CXADR: variants seen among roughly 807,000 people sequenced by gnomAD.
CXADR encodes CXADR cell adhesion molecule.
CXADR carries 20 observed loss-of-function variants against 40.3 expected under a neutral mutation model. The ratio of observed to expected loss-of-function variants is 0.50; its 90% confidence interval spans 0.35 to 0.72. The LOEUF is 0.72. Ranked by LOEUF, CXADR falls within the 30% of genes least tolerant of loss-of-function variation. The probability of loss-of-function intolerance (pLI) is 0.01; values close to 1 mark genes in which losing one functional copy is unlikely to be tolerated. For missense variants in CXADR, 332 were observed against 449.1 expected (o/e 0.74, Z 2.36); for synonymous variants, 150 against 161.3 (o/e 0.93, Z 0.53).
At chr21:17,518,586 C>A in intron 1 of CXADR, 1 of 1,283,602 alleles carries the variant, frequency 7.8e-7, no homozygotes. Context: ...CATCATCCTC[C>A]TCATCAGTGT....
chr21:17,606,606 A>G, the CXADR span, among the ~76,000 whole-genome samples: 1 of 150,146 alleles, frequency 6.7e-6, no homozygotes, highest in Admixed American at 6.6e-5. Context: ...CTAAGCTTAC[A>G]AATTATATAT....
chr21:17,558,004 G>T (rs1425970047), intron 3 of CXADR, among the ~76,000 whole-genome samples: 3 of 152,100 alleles, frequency 2.0e-5, no homozygotes, highest in African/African-American at 7.2e-5. Flanking sequence ...CCAGGATTGG[G>T]GTGAGTTGCA....
At chr21:17,571,849 C>G (rs2061279737), downstream of CXADR, among the ~76,000 whole-genome samples, 1 of 152,136 alleles carries the variant, frequency 6.6e-6, no homozygotes, top group Non-Finnish European at 1.5e-5. Context: ...GGCACAAAAC[C>G]TTTGCATTCT....
At chr21:17,627,592 A>G in the CXADR span, among the ~76,000 whole-genome samples, 2 of 152,340 alleles carry the variant, frequency 1.3e-5, no homozygotes, top group Non-Finnish European at 2.9e-5. Context: ...AGTCAAGACC[A>G]TCGGGAAATA....
At chr21:17,520,313 G>A (rs985291316) in intron 1 of CXADR, among the ~76,000 whole-genome samples, 30 of 152,142 alleles carry the variant, frequency 2.0e-4, no homozygotes, top group African/African-American at 7.2e-4. Flanking sequence ...GGTTTGATAT[G>A]TCTTGGGAGT....
the CXADR span, among the ~76,000 whole-genome samples, chr21:17,608,425 C>T: frequency 1.3e-5 from 2 of 151,738 alleles, no homozygotes; most frequent in South Asian, 2.1e-4. Context: ...ATTTACTAGT[C>T]GTGGATCACA....
At chr21:17,530,705 T>C (rs988870801) in intron 1 of CXADR, among the ~76,000 whole-genome samples, 2 of 152,016 alleles carry the variant, frequency 1.3e-5, no homozygotes, top group African/African-American at 2.4e-5. Flanking sequence ...TCCCAGCTAC[T>C]AGGGAGGCTG....
chr21:17,614,551 T>C, the CXADR span, among the ~76,000 whole-genome samples: 11 of 152,232 alleles, frequency 7.2e-5, no homozygotes, highest in Middle Eastern at 3.4e-3. Context: ...AAGACCAACC[T>C]GGCCAACATC....
chr21:17,575,583 C>T lies in CXADR; in HGVS notation c.1017+9972C>T, dbSNP rs190959516. Among the ~76,000 whole-genome samples the T allele has an allele frequency of 5.3e-3, 798 of 151,078 alleles. 3 individuals are homozygous for T. Among genetic ancestry groups the T allele is most frequent in the African/African-American group, 0.019 (771 of 41,116 alleles). ...TCTGCTCACTGCAAGCTCCGCCACC[C>T]GGGTTCACGCCATTCTCCTGCCTCA... On this transcript the variant is annotated intron_variant, in intron 7 of 7. Coordinates refer to the CXADR transcript ENST00000400169.
At chr21:17,613,422 T>TG in the CXADR span, 1 of 152,336 alleles carries the variant, frequency 6.6e-6, no homozygotes, top group Non-Finnish European at 1.5e-5. Flanking sequence ...TCATCCTTCT[T>TG]GCTGTAGTCA....
chr21:17,586,444 A>G (rs113219515), intron 7 of CXADR, among the ~76,000 whole-genome samples: 4 of 147,920 alleles, frequency 2.7e-5, no homozygotes, highest in African/African-American at 9.8e-5. Flanking sequence ...TAATCCTTCC[A>G]TATTTCCTCT....
At chr21:17,589,518 G>A (rs915611160) in intron 7 of CXADR, among the ~76,000 whole-genome samples, 3 of 151,840 alleles carry the variant, frequency 2.0e-5, no homozygotes, top group African/African-American at 7.3e-5. Context: ...CCGCCTCTGA[G>A]AACACTAACT....
At chr21:17,618,045 A>G in the CXADR span, among the ~76,000 whole-genome samples, 2 of 152,168 alleles carry the variant, frequency 1.3e-5, no homozygotes, top group African/African-American at 4.8e-5. Context: ...CTAAGAGTAG[A>G]TTTTATCTCA....
intron 1 of CXADR, chr21:17,543,078 C>G: frequency 3.0e-6 from 1 of 336,330 alleles, no homozygotes; most frequent in East Asian, 9.5e-5. Flanking sequence ...GAAAGAAAAA[C>G]AAAAAACAAA....
chr21:17,595,733 T>C (rs999359050), downstream of CXADR, among the ~76,000 whole-genome samples: 1 of 152,018 alleles, frequency 6.6e-6, no homozygotes, highest in Non-Finnish European at 1.5e-5. Flanking sequence ...CTGCAATGAA[T>C]AACAGCACAG....
rs993875365 is a variant in CXADR at position 17,569,009 on chromosome 21, T to A, written c.*3317T>A. The A allele has an allele frequency of 1.0e-6, 1 of 984,688 alleles. No individual in the cohort carries two copies. The highest frequency in any genetic ancestry group is 1.7e-5 in the African/African-American group (1 of 57,234). The allele number at this position is 984,688 out of a possible 1,614,324, so 61.0% of individuals were successfully genotyped here. On this transcript the variant is annotated 3_prime_UTR_variant, in exon 7 of 7. Transcript: ENST00000284878. Reference sequence around the variant, plus strand: ...TATTAAAAAGATACTTTTTCAAATTTAAGAGTTAATCTTGGAAATTTGGAA... The same window carrying A: ...TATTAAAAAGATACTTTTTCAAATTAAAGAGTTAATCTTGGAAATTTGGAA...
At chr21:17,633,797 T>A in the CXADR span, among the ~76,000 whole-genome samples, 4 of 152,302 alleles carry the variant, frequency 2.6e-5, no homozygotes, top group African/African-American at 9.6e-5. Flanking sequence ...CTATTCTTCC[T>A]CTAAAATTAC....
rs11420511 is a variant in CXADR, at chr21:17,558,081, CTTTT to C, written c.416-885_416-882del. Among the ~76,000 whole-genome samples the C allele has an allele frequency of 8.6e-3, 1,291 of 149,822 alleles. 8 individuals carry two copies. Among genetic ancestry groups the C allele is most frequent in the Non-Finnish European group, 0.014 (959 of 67,506 alleles). On this transcript the variant is annotated intron_variant, in intron 3 of 6. Coordinates refer to ENST00000284878, the MANE Select transcript of CXADR (RefSeq NM_001338.5). Reference sequence around the variant, plus strand: ...CACCTGGAATATAACCTCAGATTTCCTTTTTTTTTTTTTAATTAAATATTCTTTT... The same window carrying C: ...CACCTGGAATATAACCTCAGATTTCCTTTTTTTTTAATTAAATATTCTTTT...
At chr21:17,604,792 C>T in the CXADR span, 1 of 1,541,292 alleles carries the variant, frequency 6.5e-7, no homozygotes, top group African/African-American at 1.4e-5. Context: ...GCAGGCCGTA[C>T]ATGACAGAAT....
Sources: allele counts gnomAD v4.1 joint callset (sites outside exome capture counted in the v4.1 genomes callset), GRCh38; gene constraint gnomAD v4.1.1; transcripts MANE v1.5; gene names NCBI Gene and HGNC (gene_info 2026-07-23, HGNC 2026-07-21).